Variants in TMPRSS6 observed in about 807,000 individuals in gnomAD.
TMPRSS6 encodes transmembrane serine protease 6.
Under a neutral mutation model 101.5 loss-of-function variants are expected in TMPRSS6, and 67 were observed. The ratio of observed to expected loss-of-function variants is 0.66; its 90% CI spans 0.54 to 0.81. The LOEUF is 0.81. TMPRSS6 is among the 30% of genes least tolerant of loss of function. TMPRSS6 has a pLI of 0.00. For synonymous variants in TMPRSS6, 453 were observed against 464.9 expected, an observed-to-expected ratio of 0.97 and a Z score of 0.33; for missense variants, 1,034 against 1,088.7, an observed-to-expected ratio of 0.95 and a Z score of 0.71.
At position 37,098,530 on chromosome 22, in the gene TMPRSS6, C is replaced by T. The variant is rs771629641; in HGVS notation, c.222G>A (p.Met74Ile). The T allele has an allele frequency of 6.2e-7, 1 of 1,614,116 alleles. No individual in the cohort carries two copies. Among genetic ancestry groups the T allele is most frequent in the East Asian group, 2.2e-5 (1 of 44,888 alleles). ...WYFLGYKAEV[M>I]VSQVYSGSLR... ...GACTGCCTGAGTACACCTGGCTGAC[C>T]ATCACCTCCGCCTTGTACCCTGCCC... is the stretch of plus-strand genomic sequence containing the variant. Residue 74 changes from methionine to isoleucine, a missense_variant, in exon 3 of 18, where the codon ATG (methionine) becomes ATA (isoleucine). By Grantham distance (10) the Met-to-Ile change is conservative (BLOSUM62 1). Coordinates refer to ENST00000676104, the MANE Select transcript of TMPRSS6 (RefSeq NM_001374504.1).
intron 16 of TMPRSS6, chr22:37,068,472 T>C: frequency 1.6e-6 from 1 of 642,356 alleles, no homozygotes; most frequent in Non-Finnish European, 2.8e-6. Flanking sequence ...AACTGTGCGG[T>C]GGCCGCCAGG....
chr22:37,071,085 A>C, intron 13 of TMPRSS6, 53 bp from the exon 14 acceptor site: 1 of 1,546,094 alleles, frequency 6.5e-7, no homozygotes, highest in Non-Finnish European at 8.9e-7. Context: ...CTGAGCCCCA[A>C]GGAAACCTTC....
Position 37,095,960 on chromosome 22 carries a change from C to T in TMPRSS6, c.535G>A (p.Ala179Thr). 2 of 1,614,190 alleles carry T rather than the reference C, an allele frequency of 1.2e-6. No individual in the cohort carries two copies. Among genetic ancestry groups the T allele is most frequent in the Non-Finnish European group, 1.7e-6 (2 of 1,180,044 alleles). The change falls in exon 5 of 18, where the codon GCC becomes ACC. Residue 179 changes from alanine to threonine, a missense_variant. Ala to Thr is a moderately conservative substitution (Grantham distance 58, BLOSUM62 0). Transcript: ENST00000676104. ...ELLSTVNSSA[A>T]VPYRAEYEVD... ...TCGTACTCGGCCCTGTAGGGGACGG[C>T]AGCCGAGCTGTTGACTGTGGACAGC...
intron 10 of TMPRSS6, among the ~76,000 whole-genome samples, chr22:37,076,588 G>A (rs911376108): frequency 6.6e-5 from 10 of 152,160 alleles, no homozygotes; most frequent in Admixed American, 3.9e-4. Context: ...CAGAGAGTCC[G>A]GTGCACCTCA....
intron 2 of TMPRSS6, among the ~76,000 whole-genome samples, chr22:37,100,542 G>C (rs1326165767): frequency 6.6e-6 from 1 of 152,154 alleles, no homozygotes; most frequent in Non-Finnish European, 1.5e-5. Flanking sequence ...GGGTGGAAAA[G>C]AAAGAAAGGA....
In TMPRSS6 at chr22:37,095,605, A is replaced by G; in HGVS notation, c.590-13T>C. The G allele has an allele frequency of 6.2e-7, 1 of 1,603,410 alleles. No individual in the cohort carries two copies. Among genetic ancestry groups the G allele is most frequent in the East Asian group, 2.2e-5 (1 of 44,838 alleles). On this transcript the variant is annotated splice_polypyrimidine_tract_variant and intron_variant, in intron 5 of 17. Transcript: ENST00000676104. ...TTCACACTGGCTTCTGATAAAAGGA[A>G]ATGAACAAACAAATAAACAAGAACA...
At position 37,069,037 on chromosome 22, in the gene TMPRSS6, T is replaced by C. The variant is rs750942751; in HGVS notation, c.2113+36A>G. On this transcript the variant is annotated intron_variant, in intron 16 of 17. Transcript: ENST00000676104. The surrounding 1 kb of genome is among the most constrained non-coding windows in gnomAD (Gnocchi z 4.8). ...TGTTACGGCGCAGATCCGCACGGTC[T>C]CCCTCCGCCTCCCGCCGCAAGTCCC... 9.0e-5 allele frequency: 138 copies of C among 1,533,358 alleles called. No homozygotes were observed. The highest frequency in any genetic ancestry group is 1.1e-4 in the Non-Finnish European group (128 of 1,146,292). 95.0% of individuals were successfully genotyped at this position (1,533,358 alleles called of 1,614,324 possible).
chr22:37,086,580 T>C (rs1928805529), intron 7 of TMPRSS6, among the ~76,000 whole-genome samples, 161 bp from the exon 8 acceptor site: 1 of 151,974 alleles, frequency 6.6e-6, no homozygotes. Context: ...TGGGGAGAAT[T>C]CTGTGTCTCC....
upstream of TMPRSS6, among the ~76,000 whole-genome samples, chr22:37,109,856 A>C (rs1330974236): frequency 6.6e-6 from 1 of 152,078 alleles, no homozygotes; most frequent in Non-Finnish European, 1.5e-5. Flanking sequence ...GCCTGGTGAC[A>C]TGCCTGCCTG....
chr22:37,096,160 A>C (rs1929746879), intron 4 of TMPRSS6, 70 bp from the exon 5 acceptor site: 1 of 1,562,078 alleles, frequency 6.4e-7, no homozygotes, highest in Non-Finnish European at 8.8e-7. Flanking sequence ...ACCCCTGCTC[A>C]TGCACATCGA....
At chr22:37,076,007 GAAAGAAA>G (rs1249915779) in intron 10 of TMPRSS6, among the ~76,000 whole-genome samples, 2 of 147,520 alleles carry the variant, frequency 1.4e-5, no homozygotes, top group African/African-American at 2.5e-5. Context: ...AAGGAAGAAA[GAAAGAAA>G]GAAGAAAGAG....
At chr22:37,093,747 G>T (rs1205964800) in intron 6 of TMPRSS6, among the ~76,000 whole-genome samples, 1 of 151,456 alleles carries the variant, frequency 6.6e-6, no homozygotes, top group Non-Finnish European at 1.5e-5. Context: ...ATGGAGCCAG[G>T]CGTGGTGGCT....
chr22:37,099,510 C>T (rs2281091), intron 2 of TMPRSS6, among the ~76,000 whole-genome samples: 27,856 of 152,202 alleles, frequency 0.18, 2,700 homozygotes, highest in Non-Finnish European at 0.22. Context: ...ACACCCCTAT[C>T]CATTTACTCA....
chr22:37,098,031 GCA>G, intron 3 of TMPRSS6, among the ~76,000 whole-genome samples: 1 of 145,698 alleles, frequency 6.9e-6, no homozygotes. Context: ...TAACGGAGGG[GCA>G]GGAGCGGCCA....
intron 2 of TMPRSS6, 25 bp from the exon 3 acceptor site, chr22:37,098,574 T>A: frequency 6.2e-7 from 1 of 1,613,986 alleles, no homozygotes; most frequent in Non-Finnish European, 8.5e-7. Context: ...ACCAGCAGGG[T>A]TAGTGGAGGA....
At chr22:37,070,719 A>T (rs956744594) in intron 14 of TMPRSS6, 67 bp from the exon 15 acceptor site, 1 of 1,534,770 alleles carries the variant, frequency 6.5e-7, no homozygotes, top group Non-Finnish European at 9.0e-7. Context: ...GACAGAGAGG[A>T]AGGGCAAAGG....
At chr22:37,095,796 C>G in intron 5 of TMPRSS6, 110 bp downstream of exon 5, 1 of 1,440,378 alleles carries the variant, frequency 6.9e-7, no homozygotes, top group Non-Finnish European at 9.7e-7. Flanking sequence ...TCCTGGGGGG[C>G]CCACCCTGAC....
rs139461556 is a variant in TMPRSS6, at chr22:37,103,302, C to G, written c.116G>C (p.Arg39Pro). Residue 39 changes from arginine to proline, a missense_variant, in exon 2 of 18, where the codon CGG becomes CCG. Coordinates refer to ENST00000676104, the MANE Select transcript of TMPRSS6 (RefSeq NM_001374504.1). This position sits in a 1 kb window ranked among gnomAD's most constrained non-coding sequence, Gnocchi z 4.4. Reference protein sequence around the residue: ...KACEDSKRKARGYLRLVPLFV... With the variant: ...KACEDSKRKAPGYLRLVPLFV... ...CAGGGGCACCAGGCGGAGGTAGCCC[C>G]GGGCTTTTCTCTTGGAGTCCTCACA... The G allele has an allele frequency of 6.2e-7, 1 of 1,614,182 alleles. No individual in the cohort carries two copies. The highest frequency in any genetic ancestry group is 2.2e-5 in the East Asian group (1 of 44,880).
At position 37,086,141 on chromosome 22, in the gene TMPRSS6, G is replaced by C. The variant is rs184774350; in HGVS notation, c.973+142C>G. Reference sequence around the variant, plus strand: ...AAGAGGGGGGCCGGGGTGGGGAGTGGAGAGCAGCAGGAGCTTCCAGAATCT... The same window carrying C: ...AAGAGGGGGGCCGGGGTGGGGAGTGCAGAGCAGCAGGAGCTTCCAGAATCT... On this transcript the variant is annotated intron_variant, in intron 8 of 17. Transcript: ENST00000676104. 1.1e-5 allele frequency: 13 copies of C among 1,138,560 alleles called. No homozygotes were observed. The African/African-American group carries it at 1.5e-4, about 13-fold the overall frequency. The allele number at this position is 1,138,560 out of a possible 1,614,324, so 70.5% of individuals were successfully genotyped here.
Sources: gnomAD v4.1 joint callset for allele counts (sites outside exome capture counted in the v4.1 genomes callset) on GRCh38, gnomAD v4.1.1 for gene constraint, Gnocchi (gnomAD v3.1) non-coding constraint, MANE v1.5 for transcripts, NCBI Gene and HGNC (gene_info 2026-07-23, HGNC 2026-07-21) for gene names.